CHD9: variants seen among roughly 807,000 people sequenced by gnomAD.
CHD9 encodes chromodomain helicase DNA binding protein 9, also known as ATP-dependent chromatin remodeler CHD9.
A neutral mutation model predicts 316.1 loss-of-function variants in CHD9; 77 were observed. That is an observed-to-expected ratio of 0.24 (90% CI 0.20 to 0.29). The LOEUF is 0.29. Among genes scored for constraint, CHD9 ranks in the 10% least tolerant of loss-of-function variants. CHD9 has a pLI of 1.00. For synonymous variants in CHD9, 1,129 were observed against 1,158.3 expected, an observed-to-expected ratio of 0.97 and a Z score of 0.51; for missense variants, 2,763 against 3,438.1, an observed-to-expected ratio of 0.80 and a Z score of 4.91.
Position 53,138,473 on chromosome 16 carries a change from A to T in CHD9, c.-164-17453A>T, listed in dbSNP as rs144147166. Among the ~76,000 whole-genome samples the T allele has an allele frequency of 9.4e-3, 1,425 of 152,298 alleles. 18 individuals carry two copies. Among genetic ancestry groups the T allele is most frequent in the Middle Eastern group, 0.041 (12 of 294 alleles). On this transcript the variant is annotated intron_variant, in intron 1 of 38. Transcript: ENST00000447540. ...ACTACTTTAAATGAATCAGAAAAGG[A>T]AGGAAAGCCATAGGGAAGAAAATTC... is the stretch of plus-strand genomic sequence containing the variant.
rs558927513 is a variant in CHD9, at chr16:53,059,710, C to G, written c.-165+4633C>G. On this transcript the variant is annotated intron_variant, in intron 1 of 38. Transcript: ENST00000447540. Reference sequence around the variant, plus strand: ...GATAATGACCGTGAACAGGCATCAGCAAACTTTTTCTGTAAAGGTCCAGAG... The same window carrying G: ...GATAATGACCGTGAACAGGCATCAGGAAACTTTTTCTGTAAAGGTCCAGAG... Among the ~76,000 whole-genome samples the G allele has an allele frequency of 5.3e-5, 8 of 152,326 alleles. No homozygotes were observed. In the South Asian group the frequency reaches 1.4e-3, roughly 28 times the overall value.
At chr16:53,219,512 T>C (rs1278352895) in intron 3 of CHD9, among the ~76,000 whole-genome samples, 2 of 152,138 alleles carry the variant, frequency 1.3e-5, no homozygotes, top group East Asian at 3.9e-4. Context: ...AAGGCGTAGA[T>C]GCAGGAAGAA....
At chr16:53,279,063 C>T (rs1240738455) in intron 24 of CHD9, among the ~76,000 whole-genome samples, 11 of 152,042 alleles carry the variant, frequency 7.2e-5, no homozygotes, top group African/African-American at 1.7e-4. Context: ...TGCACACGTA[C>T]GTATATTGCG....
At chr16:53,248,162 C>T (rs1452668831) in intron 16 of CHD9, 2 of 129,666 alleles carry the variant, frequency 1.5e-5, no homozygotes, top group Non-Finnish European at 3.4e-5. Flanking sequence ...CACGTCTCTA[C>T]TAAAAAAAAA....
At chr16:53,296,825 C>G in intron 29 of CHD9, 131 bp from the exon 30 acceptor site, 1 of 591,390 alleles carries the variant, frequency 1.7e-6, no homozygotes, top group Non-Finnish European at 2.9e-6. Context: ...TACAAGGCAG[C>G]AAGCTTGTAT....
chr16:53,269,138 A>G (rs1003770082), intron 22 of CHD9, among the ~76,000 whole-genome samples: 1 of 152,170 alleles, frequency 6.6e-6, no homozygotes, highest in Non-Finnish European at 1.5e-5. Flanking sequence ...TTTGCTGTCC[A>G]AAATGGTTAT....
chr16:53,100,729 G>A (rs2036796922), intron 1 of CHD9, among the ~76,000 whole-genome samples: 1 of 152,164 alleles, frequency 6.6e-6, no homozygotes, highest in African/African-American at 2.4e-5. Context: ...GCCTTTCGAA[G>A]TGCTGGGATT....
At chr16:53,116,087 T>C (rs1214455216) in intron 1 of CHD9, among the ~76,000 whole-genome samples, 2 of 151,974 alleles carry the variant, frequency 1.3e-5, no homozygotes, top group Non-Finnish European at 2.9e-5. Context: ...TGAGACAGAG[T>C]CTCACTCTGT....
rs201683205 is a variant in CHD9 at position 53,103,453 on chromosome 16, C to A, written c.-165+48376C>A. Reference sequence around the variant, plus strand: ...CCTTGATGGAGACGCTGATTCTTTACCCAAGGCAGGTTAAAAGGGAACTCA... The same window carrying A: ...CCTTGATGGAGACGCTGATTCTTTAACCAAGGCAGGTTAAAAGGGAACTCA... On this transcript the variant is annotated intron_variant, in intron 1 of 38. Coordinates refer to ENST00000447540, the MANE Select transcript of CHD9 (RefSeq NM_001308319.2). Among the ~76,000 whole-genome samples the A allele has an allele frequency of 5.9e-5, 9 of 152,278 alleles. 1 individual carries two copies. The East Asian group carries it at 1.4e-3, about 23-fold the overall frequency.
chr16:53,071,599 G>C (rs1049446678), intron 1 of CHD9, among the ~76,000 whole-genome samples: 1 of 152,152 alleles, frequency 6.6e-6, no homozygotes, highest in Non-Finnish European at 1.5e-5. Context: ...AAGTGATTCT[G>C]AGAACATTCA....
intron 12 of CHD9, among the ~76,000 whole-genome samples, chr16:53,239,527 C>T (rs566001828): frequency 6.6e-6 from 1 of 152,086 alleles, no homozygotes; most frequent in Admixed American, 6.6e-5. Context: ...AATAAATTCA[C>T]AAAAAAACTG....
chr16:53,157,355 A>G lies in CHD9; in HGVS notation c.1266A>G (p.Thr422=). 1.2e-6 allele frequency: 2 copies of G among 1,613,990 alleles called. No homozygotes were observed. Among genetic ancestry groups the G allele is most frequent in the Non-Finnish European group, 1.7e-6 (2 of 1,179,868 alleles). ...TTCTTCCTCACTTTGATGAGTCAAC[A>G]TTCGGACAAGATAATTCAAGTCACA... ...EGLLPHFDES[T]FGQDNSSHIL... is the part of the protein sequence containing the mutation. The change falls in exon 2 of 39, where the codon ACA becomes ACG. Residue 422 remains threonine (T), a synonymous_variant. Coordinates refer to ENST00000447540, the MANE Select transcript of CHD9 (RefSeq NM_001308319.2).
chr16:53,185,827 T>A (rs1401642998), intron 2 of CHD9, among the ~76,000 whole-genome samples: 1 of 152,150 alleles, frequency 6.6e-6, no homozygotes, highest in East Asian at 1.9e-4. Flanking sequence ...GCCCCAAACC[T>A]TGGCAGCTTT....
intron 19 of CHD9, among the ~76,000 whole-genome samples, chr16:53,262,136 A>C (rs1003395689): frequency 7.2e-5 from 11 of 152,254 alleles, no homozygotes; most frequent in Admixed American, 3.9e-4. Flanking sequence ...TTATGTGACC[A>C]TATTCTTCTA....
chr16:53,197,660 C>CT (rs140745645), intron 2 of CHD9, among the ~76,000 whole-genome samples: 40,102 of 142,714 alleles, frequency 0.28, 5,632 homozygotes, highest in Middle Eastern at 0.34. Context: ...AATATTCTAG[C>CT]TTTTTTTTTT....
At chr16:53,125,218 A>ATT (rs34096444) in intron 1 of CHD9, among the ~76,000 whole-genome samples, 3,501 of 95,584 alleles carry the variant, frequency 0.037, 69 homozygotes, top group Non-Finnish European at 0.042. Flanking sequence ...TCAAGTTAGG[A>ATT]TTTTTTTTTT....
chr16:53,063,544 T>C (rs988388347), intron 1 of CHD9, among the ~76,000 whole-genome samples: 7 of 152,032 alleles, frequency 4.6e-5, no homozygotes, highest in Admixed American at 1.3e-4. Flanking sequence ...TTTATTTTTA[T>C]TTTTTTGAGA....
chr16:53,197,673 T>G (rs2045049979), intron 2 of CHD9, among the ~76,000 whole-genome samples: 2 of 151,852 alleles, frequency 1.3e-5, no homozygotes, highest in African/African-American at 4.8e-5. Flanking sequence ...TTTTTTTTTT[T>G]TGAGATGGAG....
chr16:53,100,721 C>T (rs953094978), intron 1 of CHD9, among the ~76,000 whole-genome samples: 2 of 152,170 alleles, frequency 1.3e-5, no homozygotes. Flanking sequence ...TGGCCTTGGC[C>T]TTTCGAAGTG....
Sources: allele counts gnomAD v4.1 joint callset (sites outside exome capture counted in the v4.1 genomes callset), GRCh38; gene constraint gnomAD v4.1.1; transcripts MANE v1.5; gene names NCBI Gene and HGNC (gene_info 2026-07-23, HGNC 2026-07-21).